VWA8: variants seen among roughly 807,000 people sequenced by gnomAD.
The protein encoded by VWA8 is von Willebrand factor A domain containing 8.
VWA8 carries 221 observed loss-of-function variants against 241.5 expected under a neutral mutation model. That is an observed-to-expected ratio of 0.91 (90% CI 0.82 to 1.02). The LOEUF (loss-of-function observed/expected upper bound fraction) is 1.02. VWA8 is among the 50% of genes least tolerant of loss of function. VWA8 has a pLI of 0.00. For synonymous variants in VWA8, 852 were observed against 827.1 expected, an observed-to-expected ratio of 1.03 and a Z score of -0.52; for missense variants, 2,322 against 2,328.7, an observed-to-expected ratio of 1.00 and a Z score of 0.06.
At position 41,701,429 on chromosome 13, in the gene VWA8, A is replaced by T; in HGVS notation, c.3327T>A (p.Asp1109Glu). 1 of 1,610,256 alleles carries T rather than the reference A, an allele frequency of 6.2e-7. No individual in the cohort carries two copies. Among genetic ancestry groups the T allele is most frequent in the Non-Finnish European group, 8.5e-7 (1 of 1,178,690 alleles). ...EECASWRIPL[D>E]EINIICDIAT... ...CAATGTCACAGATTATATTAATTTC[A>T]TCCAATGGTATTCTCCATGAGGCAC... The change falls in exon 28 of 45, where the codon GAT becomes GAA. Residue 1109 changes from aspartate (D) to glutamate (E), a missense_variant. Asp to Glu is a conservative substitution (Grantham distance 45). Coordinates refer to ENST00000379310, the MANE Select transcript of VWA8 (RefSeq NM_015058.2).
chr13:41,787,640 CTT>C, intron 17 of VWA8, 97 bp from the exon 18 acceptor site: 54 of 454,210 alleles, frequency 1.2e-4, no homozygotes, highest in South Asian at 3.0e-4. Context: ...ACACACACTC[CTT>C]ACTAATTACA....
At chr13:41,608,625 C>G (rs1461770524) in intron 39 of VWA8, among the ~76,000 whole-genome samples, 1 of 152,138 alleles carries the variant, frequency 6.6e-6, no homozygotes, top group African/African-American at 2.4e-5. Flanking sequence ...ATAAGGAAAA[C>G]AAACATAAGC....
At chr13:41,871,435 C>T (rs937582086) in intron 9 of VWA8, among the ~76,000 whole-genome samples, 4 of 152,038 alleles carry the variant, frequency 2.6e-5, no homozygotes, top group Admixed American at 2.0e-4. Flanking sequence ...AGGTATATCT[C>T]CCAATGCTAT....
At chr13:41,880,644 T>C (rs1254157427) in intron 9 of VWA8, among the ~76,000 whole-genome samples, 1 of 152,196 alleles carries the variant, frequency 6.6e-6, no homozygotes, top group East Asian at 1.9e-4. Context: ...TCTGAACAGT[T>C]TTAAAGAATA....
At chr13:41,660,229 C>T (rs576730056) in intron 37 of VWA8, among the ~76,000 whole-genome samples, 95 of 152,086 alleles carry the variant, frequency 6.2e-4, no homozygotes, top group Non-Finnish European at 1.1e-3. Flanking sequence ...GAACTTTGTG[C>T]CTCAGCCTCC....
At chr13:41,639,544 C>T (rs2044781568) in intron 37 of VWA8, among the ~76,000 whole-genome samples, 1 of 152,188 alleles carries the variant, frequency 6.6e-6, no homozygotes, top group African/African-American at 2.4e-5. Flanking sequence ...GGCCACAGTC[C>T]ATAGCTGAAT....
At chr13:41,850,502 A>G (rs1872485739) in intron 12 of VWA8, among the ~76,000 whole-genome samples, 1 of 152,108 alleles carries the variant, frequency 6.6e-6, no homozygotes, top group Non-Finnish European at 1.5e-5. Flanking sequence ...CTGCCATAGC[A>G]CTATGTTAGG....
intron 4 of VWA8, among the ~76,000 whole-genome samples, chr13:41,906,599 C>A (rs1417549672): frequency 6.6e-6 from 1 of 152,082 alleles, no homozygotes; most frequent in African/African-American, 2.4e-5. Flanking sequence ...TTTAAGTATA[C>A]ATCACTCTGT....
At chr13:41,938,486 A>G (rs1877451183) in intron 2 of VWA8, among the ~76,000 whole-genome samples, 1 of 152,036 alleles carries the variant, frequency 6.6e-6, no homozygotes, top group Non-Finnish European at 1.5e-5. Context: ...CCCCGTCTCT[A>G]CTAAAAATAC....
At chr13:41,618,132 A>C (rs530279847) in intron 37 of VWA8, among the ~76,000 whole-genome samples, 66 of 152,292 alleles carry the variant, frequency 4.3e-4, no homozygotes, top group Middle Eastern at 6.8e-3. Context: ...CATCCTCTCC[A>C]GCACCTGTTG....
Position 41,587,627 on chromosome 13 carries a change from A to T in VWA8, c.5156T>A (p.Val1719Glu). 6.2e-7 allele frequency: 1 copy of T among 1,614,206 alleles called. No homozygotes were observed. Among genetic ancestry groups the T allele is most frequent in the Non-Finnish European group, 8.5e-7 (1 of 1,180,048 alleles). ...QQKPKRLRLV[V>E]DVSGSMYRFN... ...ACGGTACATGCTACCAGACACATCT[A>T]CCACCAGGCGCAGACGCTTGGGTTT... Residue 1719 changes from valine to glutamate, a missense_variant, in exon 42 of 45, where the codon GTA (valine) becomes GAA (glutamate). Transcript: ENST00000379310.
intron 12 of VWA8, among the ~76,000 whole-genome samples, chr13:41,844,958 A>C (rs549696079): frequency 1.3e-5 from 2 of 152,194 alleles, no homozygotes; most frequent in Non-Finnish European, 2.9e-5. Context: ...AATATTGTTA[A>C]AATGACCATA....
chr13:41,894,027 C>G (rs916870276), intron 4 of VWA8, among the ~76,000 whole-genome samples: 1 of 152,168 alleles, frequency 6.6e-6, no homozygotes, highest in Non-Finnish European at 1.5e-5. Flanking sequence ...TTTAAGAAAT[C>G]TAAAACTTTT....
intron 17 of VWA8, among the ~76,000 whole-genome samples, chr13:41,791,389 T>G (rs1353981546): frequency 6.6e-6 from 1 of 151,894 alleles, no homozygotes; most frequent in Non-Finnish European, 1.5e-5. Flanking sequence ...TGTATGAGAA[T>G]GAAAAGTAAC....
At position 41,712,021 on chromosome 13, in the gene VWA8, C is replaced by T. The variant is rs115294368; in HGVS notation, c.3116+7570G>A. Among the ~76,000 whole-genome samples the T allele has an allele frequency of 2.2e-3, 332 of 151,438 alleles. 1 individual carries two copies. Among genetic ancestry groups the T allele is most frequent in the African/African-American group, 7.3e-3 (299 of 41,192 alleles). ...GATACAAATACTACATGTTCTCACT[C>T]ATATGTGGGAGCTAAAAAACTTACC... On this transcript the variant is annotated intron_variant, in intron 26 of 44. Transcript: ENST00000379310.
At chr13:41,853,470 T>C (rs1566482042) in intron 12 of VWA8, among the ~76,000 whole-genome samples, 1 of 152,204 alleles carries the variant, frequency 6.6e-6, no homozygotes, top group Non-Finnish European at 1.5e-5. Flanking sequence ...CTTCTTTAAA[T>C]GTTTGGTACA....
chr13:41,573,484 A>ATATATATATATATATATATAT (rs796873882), intron 43 of VWA8, among the ~76,000 whole-genome samples: 2 of 117,024 alleles, frequency 1.7e-5, no homozygotes, highest in Admixed American at 8.8e-5. Context: ...TAAAAAAAAA[A>ATATATATATATATATATATAT]AAATATATAT....
At chr13:41,869,384 A>G (rs998855588) in intron 9 of VWA8, among the ~76,000 whole-genome samples, 7 of 152,146 alleles carry the variant, frequency 4.6e-5, no homozygotes, top group African/African-American at 1.7e-4. Context: ...CTGTAATCCC[A>G]GCACTTTGGG....
At chr13:41,960,608 A>T (rs1474584697) in intron 1 of VWA8, among the ~76,000 whole-genome samples, 4 of 152,250 alleles carry the variant, frequency 2.6e-5, no homozygotes, top group African/African-American at 9.6e-5. Context: ...CTTCTAGGTC[A>T]TCAGAAACCT....
Sources: allele counts gnomAD v4.1 joint callset (sites outside exome capture counted in the v4.1 genomes callset), GRCh38; gene constraint gnomAD v4.1.1; transcripts MANE v1.5; gene names NCBI Gene and HGNC (gene_info 2026-07-23, HGNC 2026-07-21).